The following SELENBP1 variants were observed in gnomAD, a reference collection of about 807,000 sequenced individuals.
The protein encoded by SELENBP1 is methanethiol oxidase.
A neutral mutation model predicts 61.0 loss-of-function variants in SELENBP1; 71 were observed. The ratio of observed to expected loss-of-function variants is 1.16; its 90% CI spans 0.96 to 1.42. The LOEUF is 1.42. Among genes scored for constraint, SELENBP1 ranks in the 40% most tolerant of loss-of-function variants. The pLI, the probability that SELENBP1 is intolerant of heterozygous loss-of-function variation, is 0.00. For missense variants in SELENBP1, 561 were observed against 605.0 expected (o/e 0.93, Z 0.76); for synonymous variants, 270 against 238.9 (o/e 1.13, Z -1.20).
intron 5 of SELENBP1, among the ~76,000 whole-genome samples, chr1:151,367,522 C>T (rs138185412): frequency 2.8e-4 from 43 of 152,144 alleles, no homozygotes; most frequent in African/African-American, 9.4e-4. Context: ...ACAGCAGAAA[C>T]GTTTCTCCCA....
At position 151,365,777 on chromosome 1, in the gene SELENBP1, C is replaced by T. The variant is rs571013649; in HGVS notation, c.913G>A (p.Glu305Lys). 86 of 1,614,166 alleles carry T rather than the reference C, an allele frequency of 5.3e-5. No homozygotes were observed. The highest frequency in any genetic ancestry group is 4.6e-4 in the South Asian group (42 of 91,078). The change falls in exon 8 of 12, where the codon GAA becomes AAA. Residue 305 changes from glutamate (E) to lysine (K), a missense_variant. Coordinates refer to ENST00000368868, the MANE Select transcript of SELENBP1 (RefSeq NM_003944.4). ...TGCCCTAGGCACTCACCTGGCATTT[C>T]GGGCAGCAGCCAGCCCTTCACTTTC... is the stretch of plus-strand genomic sequence containing the variant. ...PKKVKGWLLPEMPGLITDILL... is the reference protein window; with the variant it reads ...PKKVKGWLLPKMPGLITDILL...
Position 151,369,128 on chromosome 1 carries a change from G to A in SELENBP1, c.236C>T (p.Thr79Ile). The change falls in exon 4 of 12, where the codon ACC becomes ATC. Residue 79 changes from threonine to isoleucine, a missense_variant. By Grantham distance (89) the Thr-to-Ile change is moderately conservative (BLOSUM62 -1). Coordinates refer to ENST00000368868, the MANE Select transcript of SELENBP1 (RefSeq NM_003944.4). ...GCTATCACCGAAGCAGCTGCTGCAGGTGTTCCATCCTGAGTGATGCAGCTC... is the reference window on the plus strand; with the variant it reads ...GCTATCACCGAAGCAGCTGCTGCAGATGTTCCATCCTGAGTGATGCAGCTC... The part of the protein sequence containing the change: ...KDELHHSGWN[T>I]CSSCFGDSTK... 1 of 1,614,068 alleles carries A rather than the reference G, an allele frequency of 6.2e-7. No homozygotes were observed. The highest frequency in any genetic ancestry group is 1.7e-4 in the Middle Eastern group (1 of 6,060).
intron 5 of SELENBP1, 53 bp downstream of exon 5, chr1:151,368,146 C>T: frequency 5.0e-6 from 8 of 1,585,474 alleles, no homozygotes; most frequent in African/African-American, 1.3e-5. Flanking sequence ...AAAAATGCTT[C>T]CCACATTTCA....
At chr1:151,365,946 A>G in intron 7 of SELENBP1, 100 bp from the exon 8 acceptor site, 1 of 1,271,102 alleles carries the variant, frequency 7.9e-7, no homozygotes, top group Admixed American at 2.0e-5. Context: ...CCTGGGAGGG[A>G]GAGAATAGAT....
chr1:151,365,587 T>A lies in SELENBP1; in HGVS notation c.1020A>T (p.Pro340=), dbSNP rs1316827259. 1 of 1,614,048 alleles carries A rather than the reference T, an allele frequency of 6.2e-7. No individual in the cohort carries two copies. Among genetic ancestry groups the A allele is most frequent in the Non-Finnish European group, 8.5e-7 (1 of 1,180,034 alleles). Residue 340 remains proline, a synonymous_variant, in exon 9 of 12, where the codon CCA becomes CCT. Transcript: ENST00000368868. ...CCTGTCCTGTGAGGCGGGGTCTCTG[T>A]GGGTCAGAGATGTCATACTGCCTCA... The part of the protein sequence containing the change: ...GDLRQYDISD[P]QRPRLTGQLF...
Position 151,364,443 on chromosome 1 carries a change from C to T in SELENBP1, c.*100G>A, listed in dbSNP as rs1651685845. 7.0e-7 allele frequency: 1 copy of T among 1,428,176 alleles called. No individual in the cohort carries two copies. The highest frequency in any genetic ancestry group is 1.2e-5 in the South Asian group (1 of 83,504). The allele number at this position is 1,428,176 out of a possible 1,614,324, so 88.5% of individuals were successfully genotyped here. ...ACAGTCTCAGCTTGGCTGTGTGGTA[C>T]ATGCTGCCAAGGGTCGGGTGCCAAG... On this transcript the variant is annotated 3_prime_UTR_variant, in exon 12 of 12. Coordinates refer to ENST00000368868, the MANE Select transcript of SELENBP1 (RefSeq NM_003944.4).
Position 151,364,472 on chromosome 1 carries a change from G to A in SELENBP1, c.*71C>T. 1.3e-6 allele frequency: 2 copies of A among 1,591,268 alleles called. No homozygotes were observed. Among genetic ancestry groups the A allele is most frequent in the East Asian group, 4.5e-5 (2 of 44,790 alleles). ...CTGCCAAGGGTCGGGTGCCAAGAGA[G>A]AGCAGAATGAAGCCAGGTCCCCAAG... On this transcript the variant is annotated 3_prime_UTR_variant, in exon 12 of 12. Transcript: ENST00000368868.
chr1:151,370,832 T>C (rs559770661), intron 1 of SELENBP1, among the ~76,000 whole-genome samples: 2 of 152,156 alleles, frequency 1.3e-5, no homozygotes, highest in South Asian at 4.1e-4. Flanking sequence ...GGGCCGCAAG[T>C]GGGGAGCCAG....
In SELENBP1 at chr1:151,367,071, A is replaced by G. The variant is rs113815186; in HGVS notation, c.482-167T>C. Reference sequence around the variant, plus strand: ...TTCAGGCATCCAGGGCTGGGGGAAGAGTGGCTCATGCCAGTAATCCCAGCC... The same window carrying G: ...TTCAGGCATCCAGGGCTGGGGGAAGGGTGGCTCATGCCAGTAATCCCAGCC... On this transcript the variant is annotated intron_variant, in intron 5 of 11. Coordinates refer to ENST00000368868, the MANE Select transcript of SELENBP1 (RefSeq NM_003944.4). 27 of 1,421,692 alleles carry G rather than the reference A, an allele frequency of 1.9e-5. 1 individual carries two copies. The highest frequency in any genetic ancestry group is 2.6e-4 in the Middle Eastern group (1 of 3,848). The allele number at this position is 1,421,692 out of a possible 1,614,324, so 88.1% of individuals were successfully genotyped here.
chr1:151,370,871 G>T (rs1000890101), intron 1 of SELENBP1, among the ~76,000 whole-genome samples: 1 of 152,186 alleles, frequency 6.6e-6, no homozygotes, highest in African/African-American at 2.4e-5. Flanking sequence ...CTCCACTGGG[G>T]CCTGGGACTC....
chr1:151,369,985 G>A (rs1444687410), intron 1 of SELENBP1: 3 of 1,466,630 alleles, frequency 2.0e-6, no homozygotes, highest in Non-Finnish European at 2.7e-6. Context: ...TGACCTGAAG[G>A]TGGACAGACA....
intron 2 of SELENBP1, 30 bp from the exon 3 acceptor site, chr1:151,369,584 G>C (rs1230848868): frequency 7.0e-6 from 11 of 1,578,228 alleles, no homozygotes; most frequent in South Asian, 1.2e-5. Context: ...CAGCAGGGAC[G>C]GCAGGGTGGG....
rs748825055 is a variant in SELENBP1 at position 151,368,218 on chromosome 1, G to A, written c.462C>T (p.Asp154=). 86 of 1,613,920 alleles carry A rather than the reference G, an allele frequency of 5.3e-5. No individual in the cohort carries two copies. Among genetic ancestry groups the A allele is most frequent in the Middle Eastern group, 3.3e-4 (2 of 6,066 alleles). Reference sequence around the variant, plus strand: ...AGGTACCTTTGCCATTGCCCTTGACGTCTCCCAGGGAGCTGATCATCACTT... The same window carrying A: ...AGGTACCTTTGCCATTGCCCTTGACATCTCCCAGGGAGCTGATCATCACTT... The part of the protein sequence containing the change: ...SGEVMISSLG[D]VKGNGKGGFV... The change falls in exon 5 of 12, where the codon GAC becomes GAT. Residue 154 remains aspartate, a synonymous_variant. Coordinates refer to ENST00000368868, the MANE Select transcript of SELENBP1 (RefSeq NM_003944.4).
In SELENBP1 at chr1:151,366,796, T is replaced by A; in HGVS notation, c.590A>T (p.Asn197Ile). The A allele has an allele frequency of 1.2e-6, 2 of 1,614,060 alleles. No homozygotes were observed. Among genetic ancestry groups the A allele is most frequent in the Non-Finnish European group, 1.7e-6 (2 of 1,180,000 alleles). ...GYDFWYQPRH[N>I]VMISTEWAAP... Reference sequence around the variant, plus strand: ...TGCCCACTCAGTGCTGATCATGACATTGTGTCGAGGCTGGTACCAGAAGTC... The same window carrying A: ...TGCCCACTCAGTGCTGATCATGACAATGTGTCGAGGCTGGTACCAGAAGTC... Residue 197 changes from asparagine to isoleucine, a missense_variant, in exon 6 of 12, where the codon AAT becomes ATT. Physicochemically the swap from Asn to Ile is moderately radical, Grantham distance 149 (BLOSUM62 -3). Transcript: ENST00000368868.
Position 151,366,907 on chromosome 1 carries a change from G to C in SELENBP1, c.482-3C>G. The C allele has an allele frequency of 6.2e-7, 1 of 1,612,332 alleles. No individual in the cohort carries two copies. On this transcript the variant is annotated splice_region_variant and splice_polypyrimidine_tract_variant and intron_variant, in intron 5 of 11. Coordinates refer to ENST00000368868, the MANE Select transcript of SELENBP1 (RefSeq NM_003944.4). ...CCCATCCAGCAGCACAAAACCCCCT[G>C]AACAGGGAAGGAAGCAGGGTGGCAG... is the stretch of plus-strand genomic sequence containing the variant.
At chr1:151,367,402 A>T (rs1345511409) in intron 5 of SELENBP1, 1 of 151,880 alleles carries the variant, frequency 6.6e-6, no homozygotes, top group African/African-American at 2.4e-5. Flanking sequence ...GTAAATAAAA[A>T]ATTCAGGCAT....
chr1:151,372,587 A>G, intron 1 of SELENBP1, 51 bp downstream of exon 1: 1 of 1,613,470 alleles, frequency 6.2e-7, no homozygotes, highest in Non-Finnish European at 8.5e-7. Context: ...GGCCTTCCAA[A>G]TTAGGGGCAG....
intron 4 of SELENBP1, 113 bp from the exon 5 acceptor site, chr1:151,368,432 C>G (rs1235221301): frequency 7.1e-7 from 1 of 1,403,336 alleles, no homozygotes; most frequent in Non-Finnish European, 9.8e-7. Flanking sequence ...TCCTTCAAAA[C>G]ATGGACACAA....
At chr1:151,372,569 T>C in intron 1 of SELENBP1, 69 bp downstream of exon 1, 1 of 1,607,094 alleles carries the variant, frequency 6.2e-7, no homozygotes, top group Non-Finnish European at 8.5e-7. Context: ...TAGCATTTTC[T>C]GGAGGAGGGC....
Sources: allele counts gnomAD v4.1 joint callset (sites outside exome capture counted in the v4.1 genomes callset), GRCh38; gene constraint gnomAD v4.1.1; transcripts MANE v1.5; gene names NCBI Gene and HGNC (gene_info 2026-07-23, HGNC 2026-07-21).